The following PUF60 variants were observed in gnomAD, a reference collection of about 807,000 sequenced individuals.
PUF60 encodes the protein poly(U) binding splicing factor 60.
Under a neutral mutation model 61.8 loss-of-function variants are expected in PUF60, and 10 were observed. The observed-to-expected ratio is 0.16, with a 90% CI of 0.10 to 0.27. The LOEUF is 0.27. Among genes scored for constraint, PUF60 ranks in the 10% least tolerant of loss-of-function variants. The probability of loss-of-function intolerance (pLI) is 1.00; values close to 1 mark genes in which losing one functional copy is unlikely to be tolerated. For missense variants in PUF60, 371 were observed against 754.0 expected (o/e 0.49, Z 5.95); for synonymous variants, 353 against 300.9 (o/e 1.17, Z -1.79).
chr8:143,824,513 A>C (rs1369687008), intron 1 of PUF60, 114 bp from the exon 2 acceptor site: 1 of 1,108,110 alleles, frequency 9.0e-7, no homozygotes, highest in African/African-American at 1.6e-5. Context: ...GAGGCCAGGC[A>C]GGGAGGCATT....
chr8:143,818,675 C>CCCACACTATGA lies in PUF60; in HGVS notation c.349-142_349-141insTCATAGTGTGG. On this transcript the variant is annotated intron_variant, in intron 5 of 11. Transcript: ENST00000526683. The surrounding 1 kb of genome is among the most constrained non-coding windows in gnomAD (Gnocchi z 7.9). ...ATGACAGGGAGGTGCGGGCTCCATC[C>CCCACACTATGA]CTGCAGTCATAGTGTGGGGGTCGCA... The CCCACACTATGA allele has an allele frequency of 1.1e-6, 1 of 915,712 alleles. No individual in the cohort carries two copies. Among genetic ancestry groups the CCCACACTATGA allele is most frequent in the Non-Finnish European group, 1.6e-6 (1 of 625,590 alleles). 56.7% of individuals were successfully genotyped at this position (915,712 alleles called of 1,614,324 possible). A position where few individuals can be genotyped will look rare whatever the true frequency, so the allele number is the denominator to read the frequency against.
intron 1 of PUF60, among the ~76,000 whole-genome samples, chr8:143,827,944 T>C (rs1468476232): frequency 6.6e-6 from 1 of 152,190 alleles, no homozygotes; most frequent in Non-Finnish European, 1.5e-5. Context: ...TGTCCAGTCC[T>C]TGTCTCTGAG....
chr8:143,819,980 G>A (rs571316440), intron 5 of PUF60, among the ~76,000 whole-genome samples: 1 of 152,336 alleles, frequency 6.6e-6, no homozygotes, highest in East Asian at 1.9e-4. Flanking sequence ...GAGGCTCCCA[G>A]AGAAGGGTCC....
rs776865389 is a variant in PUF60, at chr8:143,818,139, T to C, written c.603+54A>G. Reference sequence around the variant, plus strand: ...CAGGCCCGGCCACAAAAGGCTTCCGTGGAGGGGCAGCCCTGCACGCCTGCG... The same window carrying C: ...CAGGCCCGGCCACAAAAGGCTTCCGCGGAGGGGCAGCCCTGCACGCCTGCG... On this transcript the variant is annotated intron_variant, in intron 7 of 11. Transcript: ENST00000526683. The surrounding 1 kb of genome is among the most constrained non-coding windows in gnomAD (Gnocchi z 7.9). 1.9e-6 allele frequency: 3 copies of C among 1,601,024 alleles called. No homozygotes were observed. In the South Asian group the frequency reaches 3.3e-5, roughly 18 times the overall value.
intron 1 of PUF60, chr8:143,825,114 G>A (rs1057325671): frequency 6.6e-6 from 1 of 152,404 alleles, no homozygotes; most frequent in African/African-American, 2.4e-5. Context: ...TGGGGGTCGG[G>A]AGATGATGGA....
intron 1 of PUF60, among the ~76,000 whole-genome samples, chr8:143,826,564 A>C (rs1454907777): frequency 2.0e-5 from 3 of 152,082 alleles, no homozygotes; most frequent in Non-Finnish European, 4.4e-5. Context: ...AAAATACAAA[A>C]ATTAGCCGGG....
intron 5 of PUF60, among the ~76,000 whole-genome samples, chr8:143,819,832 G>C (rs1308274334): frequency 1.3e-5 from 2 of 152,012 alleles, no homozygotes; most frequent in African/African-American, 2.4e-5. Context: ...TTTCAGTGTG[G>C]GGCCCCACCC....
chr8:143,825,786 C>G (rs373551196), intron 1 of PUF60, among the ~76,000 whole-genome samples: 1 of 152,320 alleles, frequency 6.6e-6, no homozygotes, highest in African/African-American at 2.4e-5. Context: ...TCTCATTGCC[C>G]ACAGCAAGAG....
chr8:143,822,028 C>A, intron 2 of PUF60, 115 bp from the exon 3 acceptor site: 5 of 745,494 alleles, frequency 6.7e-6, no homozygotes, highest in Non-Finnish European at 1.1e-5. Flanking sequence ...CTCAGGCCAG[C>A]CCTTCTGACA....
In PUF60 at chr8:143,817,117, C is replaced by A. The variant is rs763092979; in HGVS notation, c.1173G>T (p.Pro391=). The change falls in exon 11 of 12, where the codon CCG becomes CCT. Residue 391 remains proline, a synonymous_variant. Coordinates refer to ENST00000526683, the MANE Select transcript of PUF60 (RefSeq NM_078480.3). This position sits in a 1 kb window ranked among gnomAD's most constrained non-coding sequence, Gnocchi z 7.4. The part of the protein sequence containing the change: ...TGVTPARPPI[P]VTIPSVGVVN... ...CCACTCCCACCGAGGGGATGGTGAC[C>A]GGGATAGGAGGACGGGCTGGGGTCA... 6.2e-7 allele frequency: 1 copy of A among 1,609,112 alleles called. No individual in the cohort carries two copies. Among genetic ancestry groups the A allele is most frequent in the Non-Finnish European group, 8.5e-7 (1 of 1,178,128 alleles).
intron 1 of PUF60, among the ~76,000 whole-genome samples, chr8:143,826,498 T>TGGAGGCC (rs1817651545): frequency 6.6e-6 from 1 of 152,172 alleles, no homozygotes; most frequent in Admixed American, 6.5e-5. Context: ...GTGGATTGCT[T>TGGAGGCC]GAGGTCAGGA....
intron 1 of PUF60, 152 bp downstream of exon 1, chr8:143,829,128 C>A (rs1244205282): frequency 9.3e-6 from 11 of 1,185,208 alleles, no homozygotes; most frequent in Non-Finnish European, 1.1e-5. Context: ...GCCCGCCCCG[C>A]CCCCGCCTCA....
intron 1 of PUF60, 123 bp from the exon 2 acceptor site, chr8:143,824,522 T>A: frequency 5.1e-6 from 5 of 986,800 alleles, no homozygotes; most frequent in Non-Finnish European, 7.5e-6. Context: ...CAGGGAGGCA[T>A]TCCCGACATG....
intron 2 of PUF60, 114 bp from the exon 3 acceptor site, chr8:143,822,027 G>A (rs1817079535): frequency 9.2e-6 from 7 of 764,684 alleles, no homozygotes; most frequent in Non-Finnish European, 1.4e-5. Context: ...ACTCAGGCCA[G>A]CCCTTCTGAC....
At chr8:143,819,779 G>T (rs1563829462) in intron 5 of PUF60, among the ~76,000 whole-genome samples, 1 of 151,946 alleles carries the variant, frequency 6.6e-6, no homozygotes, top group Non-Finnish European at 1.5e-5. Flanking sequence ...GACCAGGCCT[G>T]TCCCTCAGGT....
At chr8:143,820,757 A>G in intron 4 of PUF60, 41 bp from the exon 5 acceptor site, 1 of 1,575,116 alleles carries the variant, frequency 6.3e-7, no homozygotes, top group South Asian at 1.1e-5. Context: ...GTTGGAGCCG[A>G]GCAGTCTCCC....
In PUF60 at chr8:143,816,667, G is replaced by C; in HGVS notation, c.1533C>G (p.Ile511Met). The C allele has an allele frequency of 6.2e-7, 1 of 1,613,884 alleles. No homozygotes were observed. The highest frequency in any genetic ancestry group is 8.5e-7 in the Non-Finnish European group (1 of 1,179,866). ...EKQGEEEDAE[I>M]IVKIFVEFSI... Reference sequence around the variant, plus strand: ...AAAACTCCACAAAGATCTTGACAATGATTTCTGCATCCTCCTCCTCGCCTT... The same window carrying C: ...AAAACTCCACAAAGATCTTGACAATCATTTCTGCATCCTCCTCCTCGCCTT... The change falls in exon 12 of 12, where the codon ATC becomes ATG. Residue 511 changes from isoleucine to methionine, a missense_variant. Physicochemically the swap from Ile to Met is conservative, Grantham distance 10. Coordinates refer to ENST00000526683, the MANE Select transcript of PUF60 (RefSeq NM_078480.3).
chr8:143,827,828 C>A (rs553226222), intron 1 of PUF60, among the ~76,000 whole-genome samples: 2 of 152,328 alleles, frequency 1.3e-5, no homozygotes, highest in Admixed American at 1.3e-4. Context: ...CTATCTGGCA[C>A]CACGCCACAG....
At chr8:143,826,802 A>G (rs1339760512) in intron 1 of PUF60, among the ~76,000 whole-genome samples, 1 of 152,186 alleles carries the variant, frequency 6.6e-6, no homozygotes, top group African/African-American at 2.4e-5. Flanking sequence ...TCAGCTGGGA[A>G]TGGGGACGGC....
Sources: allele counts gnomAD v4.1 joint callset (sites outside exome capture counted in the v4.1 genomes callset), GRCh38; gene constraint gnomAD v4.1.1; non-coding constraint Gnocchi (gnomAD v3.1); transcripts MANE v1.5; gene names NCBI Gene and HGNC (gene_info 2026-07-23, HGNC 2026-07-21).